The following TG variants were observed in gnomAD, a reference collection of about 807,000 sequenced individuals.
TG encodes the protein thyroid hormones.
A neutral mutation model predicts 324.7 loss-of-function variants in TG; 270 were observed. The ratio of observed to expected loss-of-function variants is 0.83; its 90% CI spans 0.75 to 0.92. TG has a LOEUF of 0.92. Ranked by LOEUF, TG falls within the 40% of genes least tolerant of loss-of-function variation. The pLI is 0.00. For synonymous variants in TG, 1,401 were observed against 1,327.0 expected (o/e 1.06, Z -1.21); for missense variants, 3,591 against 3,456.4 (o/e 1.04, Z -0.98).
intron 35 of TG, chr8:133,001,690 TG>T: frequency 2.1e-6 from 2 of 945,664 alleles, no homozygotes; most frequent in Non-Finnish European, 2.5e-6. Flanking sequence ...AGACGTGAGC[TG>T]GGCTCTTCCT....
chr8:133,014,257 A>G (rs1257006417), intron 37 of TG, among the ~76,000 whole-genome samples: 6 of 152,234 alleles, frequency 3.9e-5, no homozygotes, highest in Admixed American at 2.0e-4. Flanking sequence ...AAAGCCATGC[A>G]GCCTAACTAT....
chr8:132,917,095 C>CT (rs1483162159), intron 20 of TG, among the ~76,000 whole-genome samples: 2 of 124,400 alleles, frequency 1.6e-5, no homozygotes, highest in East Asian at 5.2e-4. Context: ...CCCTTACTTC[C>CT]TTTTTTTCTT....
intron 41 of TG, among the ~76,000 whole-genome samples, chr8:133,070,353 A>C (rs539349861): frequency 1.4e-5 from 2 of 144,774 alleles, no homozygotes; most frequent in Admixed American, 1.4e-4. Context: ...TTTTTGGAAC[A>C]GTTGCCCACA....
At chr8:132,949,046 A>G (rs1290223296) in intron 27 of TG, 103 bp downstream of exon 27, 3 of 995,198 alleles carry the variant, frequency 3.0e-6, no homozygotes, top group African/African-American at 1.9e-5. Flanking sequence ...TGAGGAGCTT[A>G]TACTTCTGAA....
chr8:132,948,274 C>T (rs968141750), intron 26 of TG, among the ~76,000 whole-genome samples: 6 of 148,290 alleles, frequency 4.0e-5, no homozygotes, highest in South Asian at 4.3e-4. Context: ...TGTGAGAGAG[C>T]GAGAGCAAGA....
intron 36 of TG, among the ~76,000 whole-genome samples, chr8:133,012,791 C>A (rs1249018849): frequency 6.6e-6 from 1 of 152,196 alleles, no homozygotes; most frequent in African/African-American, 2.4e-5. Context: ...TGGGTGGTAC[C>A]ATTCACAGAA....
intron 15 of TG, among the ~76,000 whole-genome samples, chr8:132,901,007 C>G (rs1431923187): frequency 6.6e-6 from 1 of 152,250 alleles, no homozygotes; most frequent in East Asian, 1.9e-4. Context: ...ATCTGTCCCT[C>G]CAGGAAGCCT....
intron 26 of TG, among the ~76,000 whole-genome samples, chr8:132,945,120 C>G (rs1406312636): frequency 2.0e-5 from 3 of 152,208 alleles, no homozygotes; most frequent in African/African-American, 7.2e-5. Context: ...CAGATTTGAA[C>G]TTTGACGTGA....
intron 14 of TG, among the ~76,000 whole-genome samples, chr8:132,899,425 A>C (rs1817605821): frequency 6.6e-6 from 1 of 152,212 alleles, no homozygotes; most frequent in African/African-American, 2.4e-5. Context: ...CAAGTGAGGG[A>C]AATCTCTGGG....
intron 40 of TG, among the ~76,000 whole-genome samples, chr8:133,028,946 G>A (rs927360069): frequency 1.3e-5 from 2 of 152,122 alleles, no homozygotes; most frequent in African/African-American, 4.8e-5. Flanking sequence ...GAGTGGGCTG[G>A]GCCGCTGACA....
rs190388991 is a variant in TG, at chr8:132,979,630, C to T, written c.6200-3720C>T. On this transcript the variant is annotated intron_variant, in intron 34 of 47. Coordinates refer to ENST00000220616, the MANE Select transcript of TG (RefSeq NM_003235.5). ...TGCAGTATCTCATTTAATTCCCTAACAATCTCATGAGGTAGGGCCTACTGT... is the reference window on the plus strand; with the variant it reads ...TGCAGTATCTCATTTAATTCCCTAATAATCTCATGAGGTAGGGCCTACTGT... Among the ~76,000 whole-genome samples the T allele has an allele frequency of 2.6e-5, 4 of 152,326 alleles. No homozygotes were observed. The East Asian group carries it at 7.7e-4, about 29-fold the overall frequency.
chr8:132,971,956 T>G, intron 33 of TG, 83 bp downstream of exon 33: 1 of 981,680 alleles, frequency 1.0e-6, no homozygotes, highest in Non-Finnish European at 1.6e-6. Context: ...CTTTTACAAA[T>G]CCTCAGCATC....
chr8:133,054,996 AT>A, intron 41 of TG, among the ~76,000 whole-genome samples: 1 of 152,300 alleles, frequency 6.6e-6, no homozygotes, highest in Admixed American at 6.5e-5. Context: ...CCTACAGAAA[AT>A]ACGTGATTAT....
At chr8:133,126,847 T>G (rs1851561126) in intron 45 of TG, among the ~76,000 whole-genome samples, 1 of 152,060 alleles carries the variant, frequency 6.6e-6, no homozygotes, top group Non-Finnish European at 1.5e-5. Context: ...CAAAGGGACT[T>G]TCATTCCTCC....
intron 29 of TG, among the ~76,000 whole-genome samples, chr8:132,963,670 A>AGTGTGTGTGT (rs57531255): frequency 2.1e-4 from 31 of 145,188 alleles, no homozygotes; most frequent in African/African-American, 7.9e-4. Context: ...TGTGGTCTGC[A>AGTGTGTGTGT]GTGTGTGTGT....
At chr8:132,945,051 T>C (rs142865916) in intron 26 of TG, among the ~76,000 whole-genome samples, 2 of 152,262 alleles carry the variant, frequency 1.3e-5, no homozygotes, top group African/African-American at 4.8e-5. Context: ...TGAATAGTTG[T>C]TTTTATTCTA....
chr8:132,951,828 G>A (rs1198619963), intron 27 of TG, among the ~76,000 whole-genome samples: 1 of 152,156 alleles, frequency 6.6e-6, no homozygotes, highest in Non-Finnish European at 1.5e-5. Context: ...GAGGTGAGAG[G>A]GAGGGAGTGT....
chr8:133,074,643 T>G (rs1294760646), intron 41 of TG, among the ~76,000 whole-genome samples: 1 of 152,198 alleles, frequency 6.6e-6, no homozygotes, highest in East Asian at 1.9e-4. Context: ...CCTCCAGCCC[T>G]TCTCTCCACA....
In TG at chr8:132,941,388, A is replaced by C; in HGVS notation, c.5079A>C (p.Glu1693Asp). The C allele has an allele frequency of 2.5e-6, 4 of 1,614,118 alleles. No homozygotes were observed. In the East Asian group the frequency reaches 8.9e-5, roughly 36 times the overall value. ...CCACAACACTTCAGAAACGCTTTGA[A>C]CCCACTGGTTTCCAAAACATGCTTT... ...GSTTTLQKRF[E>D]PTGFQNMLSG... Residue 1693 changes from glutamate (E) to aspartate (D), a missense_variant, in exon 26 of 48, where the codon GAA (glutamate) becomes GAC (aspartate). By Grantham distance (45) the Glu-to-Asp change is conservative. Coordinates refer to ENST00000220616, the MANE Select transcript of TG (RefSeq NM_003235.5).
Sources: gnomAD v4.1 joint callset for allele counts (sites outside exome capture counted in the v4.1 genomes callset) on GRCh38, gnomAD v4.1.1 for gene constraint, MANE v1.5 for transcripts, NCBI Gene and HGNC (gene_info 2026-07-23, HGNC 2026-07-21) for gene names.